The following CACNA1B variants were observed in gnomAD, a reference collection of about 807,000 sequenced individuals.
The protein encoded by CACNA1B is calcium voltage-gated channel subunit alpha1 B.
Under a neutral mutation model 247.2 loss-of-function variants are expected in CACNA1B, and 70 were observed. The observed-to-expected ratio is 0.28, with a 90% CI of 0.23 to 0.35. The LOEUF (loss-of-function observed/expected upper bound fraction) is 0.35. Ranked by LOEUF, CACNA1B falls within the 10% of genes least tolerant of loss-of-function variation. CACNA1B has a pLI of 1.00. For missense variants in CACNA1B, 2,367 were observed against 3,197.4 expected (o/e 0.74, Z 6.26); for synonymous variants, 1,231 against 1,294.4 (o/e 0.95, Z 1.05).
At chr9:138,048,547 C>G (rs1959203476) in intron 23 of CACNA1B, among the ~76,000 whole-genome samples, 1 of 152,202 alleles carries the variant, frequency 6.6e-6, no homozygotes, top group Non-Finnish European at 1.5e-5. Context: ...GGCCGTGTCT[C>G]CCTACTCTGA....
chr9:137,888,323 A>C lies in CACNA1B; in HGVS notation c.530+5440A>C, dbSNP rs1957046074. Reference sequence around the variant, plus strand: ...CAGTCTCACGTGCATCCACGCTCCCAGTCCTGTCCCCACGTCACTGCCTCT... The same window carrying C: ...CAGTCTCACGTGCATCCACGCTCCCCGTCCTGTCCCCACGTCACTGCCTCT... On this transcript the variant is annotated intron_variant, in intron 3 of 46. Transcript: ENST00000371372. The surrounding 1 kb of genome is among the most constrained non-coding windows in gnomAD (Gnocchi z 4.7). Among the ~76,000 whole-genome samples, 1 of 151,840 alleles carries C rather than the reference A, an allele frequency of 6.6e-6. No homozygotes were observed. Among genetic ancestry groups the C allele is most frequent in the South Asian group, 2.1e-4 (1 of 4,808 alleles).
chr9:137,977,520 A>C lies in CACNA1B; in HGVS notation c.1656+1501A>C, dbSNP rs563904042. Among the ~76,000 whole-genome samples the C allele has an allele frequency of 2.0e-5, 3 of 151,974 alleles. No homozygotes were observed. The South Asian group carries it at 6.3e-4, about 32-fold the overall frequency. ...TTGGAGGCAGTGTGTTTCACAGCTT[A>C]CCATGACAGCTGAGCACAGAGGGCA... is the stretch of plus-strand genomic sequence containing the variant. On this transcript the variant is annotated intron_variant, in intron 12 of 46. Coordinates refer to ENST00000371372, the MANE Select transcript of CACNA1B (RefSeq NM_000718.4).
At chr9:137,961,034 T>C (rs1958015818) in intron 10 of CACNA1B, among the ~76,000 whole-genome samples, 1 of 152,210 alleles carries the variant, frequency 6.6e-6, no homozygotes, top group African/African-American at 2.4e-5. Flanking sequence ...TCATGGCCTT[T>C]GCCTACTTTT....
intron 10 of CACNA1B, among the ~76,000 whole-genome samples, chr9:137,969,942 T>C (rs972055176): frequency 6.6e-6 from 1 of 152,094 alleles, no homozygotes; most frequent in Admixed American, 6.5e-5. Context: ...CACATGCCAC[T>C]GAGAGCCTGG....
chr9:137,978,860 C>A (rs926531006), intron 12 of CACNA1B, among the ~76,000 whole-genome samples: 2 of 152,160 alleles, frequency 1.3e-5, no homozygotes, highest in Admixed American at 1.3e-4. Context: ...TTGCATCATG[C>A]TGTGCTTCTG....
chr9:138,001,577 G>T (rs367739555), intron 15 of CACNA1B, among the ~76,000 whole-genome samples: 22 of 151,894 alleles, frequency 1.4e-4, no homozygotes, highest in African/African-American at 4.8e-4. Context: ...CGAAGCTAAT[G>T]TCGTAAGAAA....
chr9:138,000,350 G>T (rs570099338), intron 15 of CACNA1B, among the ~76,000 whole-genome samples: 3 of 151,874 alleles, frequency 2.0e-5, no homozygotes, highest in Non-Finnish European at 4.4e-5. Context: ...AGCCCGCCTT[G>T]GCCTCCCAAA....
At position 137,914,835 on chromosome 9, in the gene CACNA1B, G is replaced by C. The variant is rs761312939; in HGVS notation, c.775+29G>C. 1 of 1,611,884 alleles carries C rather than the reference G, an allele frequency of 6.2e-7. No individual in the cohort carries two copies. Among genetic ancestry groups the C allele is most frequent in the African/African-American group, 1.3e-5 (1 of 74,918 alleles). On this transcript the variant is annotated intron_variant, in intron 5 of 46. Transcript: ENST00000371372. This position sits in a 1 kb window ranked among gnomAD's most constrained non-coding sequence, Gnocchi z 4.3. ...AGGCCAGGCAGCACCCTCCAGCACA[G>C]GCAAGTGCCACGGATGCGTTCATCC... is the stretch of plus-strand genomic sequence containing the variant.
intron 5 of CACNA1B, among the ~76,000 whole-genome samples, chr9:137,916,624 T>C (rs554465874): frequency 6.6e-6 from 1 of 152,330 alleles, no homozygotes; most frequent in East Asian, 1.9e-4. Context: ...GACTGCACAG[T>C]GGCTGAGTCC....
chr9:137,878,824 C>T (rs1433372822), intron 1 of CACNA1B, among the ~76,000 whole-genome samples: 1 of 152,120 alleles, frequency 6.6e-6, no homozygotes, highest in Non-Finnish European at 1.5e-5. Context: ...CCGGGTGTGC[C>T]GAGGGGCTGG....
In CACNA1B at chr9:138,061,540, C is replaced by A. The variant is rs112080398; in HGVS notation, c.4668+1803C>A. 9.3e-4 allele frequency among the ~76,000 whole-genome samples: 141 copies of A among 152,280 alleles called. 2 individuals are homozygous for A. Among genetic ancestry groups the A allele is most frequent in the African/African-American group, 3.2e-3 (131 of 41,556 alleles). The stretch of plus-strand genomic sequence containing the variant: ...TCACCAAGCCGGCATTTTATCTCTG[C>A]CTTTAAGGTCAGGGCAGCGTCTCCT... On this transcript the variant is annotated intron_variant, in intron 31 of 46. Coordinates refer to ENST00000371372, the MANE Select transcript of CACNA1B (RefSeq NM_000718.4).
At chr9:138,094,442 T>TAAAAAAAAAAAAAAAAAAAAAAAAAAAAA (rs753995157) in intron 36 of CACNA1B, among the ~76,000 whole-genome samples, 2 of 93,694 alleles carry the variant, frequency 2.1e-5, no homozygotes, top group Non-Finnish European at 4.7e-5. Flanking sequence ...TTTACTACAG[T>TAAAAAAAAAAAAAAAAAAAAAAAAAAAAA]AAAAAAAAAA....
chr9:138,001,353 T>C (rs1958575506), intron 15 of CACNA1B, among the ~76,000 whole-genome samples: 1 of 152,182 alleles, frequency 6.6e-6, no homozygotes, highest in East Asian at 1.9e-4. Flanking sequence ...ATGAGTTTCT[T>C]TTTTTGAAGG....
chr9:138,045,112 GA>G (rs1959171032), intron 21 of CACNA1B, among the ~76,000 whole-genome samples: 1 of 152,260 alleles, frequency 6.6e-6, no homozygotes, highest in African/African-American at 2.4e-5. Flanking sequence ...GAAGAGGGGA[GA>G]GGGGAGGAAC....
At chr9:138,024,704 C>T (rs778243755) in intron 19 of CACNA1B, among the ~76,000 whole-genome samples, 3 of 152,164 alleles carry the variant, frequency 2.0e-5, no homozygotes, top group Non-Finnish European at 4.4e-5. Flanking sequence ...TCATGGCTCA[C>T]TGCAGCCTCA....
At chr9:138,045,948 G>A (rs1056741069) in intron 21 of CACNA1B, among the ~76,000 whole-genome samples, 17 of 152,122 alleles carry the variant, frequency 1.1e-4, no homozygotes, top group African/African-American at 3.1e-4. Flanking sequence ...CGGTGGACAC[G>A]CCTGCGAGGC....
intron 6 of CACNA1B, among the ~76,000 whole-genome samples, chr9:137,948,918 G>A (rs1957832656): frequency 7.1e-6 from 1 of 140,014 alleles, no homozygotes. Flanking sequence ...TGTGTTTGTG[G>A]TGTCTCTGTG....
chr9:137,926,183 C>T (rs1254979213), intron 6 of CACNA1B, among the ~76,000 whole-genome samples: 1 of 151,284 alleles, frequency 6.6e-6, no homozygotes, highest in African/African-American at 2.4e-5. Flanking sequence ...GATTCTCCTG[C>T]CTCAGCCTCC....
intron 18 of CACNA1B, among the ~76,000 whole-genome samples, chr9:138,022,135 C>A (rs1409288805): frequency 1.3e-5 from 2 of 152,202 alleles, no homozygotes; most frequent in African/African-American, 4.8e-5. Context: ...GTAGCCCATG[C>A]AGTGAGGGCC....
Sources: gnomAD v4.1 joint callset for allele counts (sites outside exome capture counted in the v4.1 genomes callset) on GRCh38, gnomAD v4.1.1 for gene constraint, Gnocchi (gnomAD v3.1) non-coding constraint, MANE v1.5 for transcripts, NCBI Gene and HGNC (gene_info 2026-07-23, HGNC 2026-07-21) for gene names.